CARMIL3: variants seen among roughly 807,000 people sequenced by gnomAD.
CARMIL3 encodes capping protein, Arp2/3 and myosin-I linker protein 3.
Under a neutral mutation model 180.8 loss-of-function variants are expected in CARMIL3, and 88 were observed. The ratio of observed to expected loss-of-function variants is 0.49; its 90% confidence interval spans 0.41 to 0.58. The LOEUF (loss-of-function observed/expected upper bound fraction) is 0.58. Ranked by LOEUF, CARMIL3 falls within the 20% of genes least tolerant of loss-of-function variation. The pLI is 0.00. For synonymous variants in CARMIL3, 696 were observed against 714.5 expected (o/e 0.97, Z 0.41); for missense variants, 1,548 against 1,787.0 (o/e 0.87, Z 2.41).
rs140030582 is a variant in CARMIL3 at position 24,057,004 on chromosome 14, C to T, written c.1042C>T (p.Leu348Phe). 381 of 1,613,648 alleles carry T rather than the reference C, an allele frequency of 2.4e-4. No homozygotes were observed. Among genetic ancestry groups the T allele is most frequent in the Non-Finnish European group, 3.1e-4 (361 of 1,179,794 alleles). The change falls in exon 13 of 40, where the codon CTC (leucine) becomes TTC (phenylalanine). Residue 348 changes from leucine (L) to phenylalanine (F), a missense_variant. Transcript: ENST00000342740. Reference sequence around the variant, plus strand: ...GGACCTGAGCAAGAATCCTGGGCTCCTCGCCACGGATGAGGCCAATGTGAG... The same window carrying T: ...GGACCTGAGCAAGAATCCTGGGCTCTTCGCCACGGATGAGGCCAATGTGAG... ...YLDLSKNPGLLATDEANALYS... is the reference protein window; with the variant it reads ...YLDLSKNPGLFATDEANALYS...
intron 27 of CARMIL3, chr14:24,062,034 C>CT (rs1482065183): frequency 9.5e-6 from 3 of 315,318 alleles, no homozygotes; most frequent in Admixed American, 9.2e-5. Flanking sequence ...CCCTAGAGTT[C>CT]TTTCATTCTG....
intron 10 of CARMIL3, 55 bp from the exon 11 acceptor site, chr14:24,056,244 G>T: frequency 6.8e-7 from 1 of 1,461,260 alleles, no homozygotes; most frequent in East Asian, 2.4e-5. Flanking sequence ...GGGAAGCCCA[G>T]AGGCTGGGAC....
chr14:24,068,021 G>A (rs2035806396), intron 36 of CARMIL3, among the ~76,000 whole-genome samples: 1 of 152,272 alleles, frequency 6.6e-6, no homozygotes, highest in Non-Finnish European at 1.5e-5. Flanking sequence ...TCTGCAAGAG[G>A]GACAGCTAGG....
In CARMIL3 at chr14:24,058,032, G is replaced by C. The variant is rs1156971649; in HGVS notation, c.1290G>C (p.Leu430=). 9.9e-6 allele frequency: 16 copies of C among 1,613,802 alleles called. No individual in the cohort carries two copies. Among genetic ancestry groups the C allele is most frequent in the Non-Finnish European group, 1.4e-5 (16 of 1,180,020 alleles). The change falls in exon 16 of 40, where the codon CTG becomes CTC. Residue 430 remains leucine (L), a synonymous_variant. Transcript: ENST00000342740. The surrounding 1 kb of genome is among the most constrained non-coding windows in gnomAD (Gnocchi z 6.4). ...SSAYTLSHVN[L]SATKLPLEAL... ...CCTACACACTGAGCCACGTCAATCT[G>C]TCGGCCACAAAGCTGCCCCTGGAGG...
Position 24,060,267 on chromosome 14 carries a change from C to A in CARMIL3, c.2061+12C>A, listed in dbSNP as rs759545098. 7 of 1,613,922 alleles carry A rather than the reference C, an allele frequency of 4.3e-6. No individual in the cohort carries two copies. Among genetic ancestry groups the A allele is most frequent in the Non-Finnish European group, 5.1e-6 (6 of 1,179,908 alleles). ...GCAGCGCCGAGCAAGTAAACGTTTCCCTCTGGGACACGGGGCATACCCGGG... is the reference window on the plus strand; with the variant it reads ...GCAGCGCCGAGCAAGTAAACGTTTCACTCTGGGACACGGGGCATACCCGGG... On this transcript the variant is annotated intron_variant, in intron 24 of 39. Transcript: ENST00000342740.
chr14:24,065,632 G>A lies in CARMIL3; in HGVS notation c.3407G>A (p.Gly1136Glu), dbSNP rs2035779128. 1.2e-6 allele frequency: 2 copies of A among 1,612,052 alleles called. No individual in the cohort carries two copies. The highest frequency in any genetic ancestry group is 1.7e-5 in the Admixed American group (1 of 59,640). ...PSFRRKMGTE[G>E]SEPGEGGPAP... ...GAGACCTTGTTCTAGGGCACTGAGGGGTCAGAGCCAGGGGAGGGGGGCCCA... is the reference window on the plus strand; with the variant it reads ...GAGACCTTGTTCTAGGGCACTGAGGAGTCAGAGCCAGGGGAGGGGGGCCCA... The change falls in exon 34 of 40, where the codon GGG becomes GAG. Residue 1136 changes from glycine to glutamate, a missense_variant. By Grantham distance (98) the Gly-to-Glu change is moderately conservative (BLOSUM62 -2). Coordinates refer to ENST00000342740, the MANE Select transcript of CARMIL3 (RefSeq NM_138360.4).
intron 2 of CARMIL3, 32 bp downstream of exon 2, chr14:24,053,835 G>C (rs752361087): frequency 4.1e-5 from 65 of 1,580,586 alleles, no homozygotes; most frequent in Non-Finnish European, 5.4e-5. Flanking sequence ...GGAGGGAGGA[G>C]GTGGCTGGCA....
At chr14:24,053,941 G>T in intron 2 of CARMIL3, 138 bp downstream of exon 2, 1 of 1,156,200 alleles carries the variant, frequency 8.6e-7, no homozygotes, top group Non-Finnish European at 1.2e-6. Flanking sequence ...GAGGAGGCAG[G>T]GCTGGACTGT....
At chr14:24,055,513 A>G (rs1447592291) in intron 8 of CARMIL3, 30 bp from the exon 9 acceptor site, 1 of 1,612,394 alleles carries the variant, frequency 6.2e-7, no homozygotes, top group Non-Finnish European at 8.5e-7. Context: ...CCTGCTCACC[A>G]CTTTCCTGCC....
chr14:24,058,551 G>T lies in CARMIL3; in HGVS notation c.1393-129G>T. 5.4e-6 allele frequency: 4 copies of T among 743,328 alleles called. No individual in the cohort carries two copies. The highest frequency in any genetic ancestry group is 8.8e-6 in the Non-Finnish European group (4 of 455,488). 46.0% of individuals were successfully genotyped at this position (743,328 alleles called of 1,614,324 possible). On this transcript the variant is annotated intron_variant, in intron 17 of 39. Coordinates refer to ENST00000342740, the MANE Select transcript of CARMIL3 (RefSeq NM_138360.4). This position sits in a 1 kb window ranked among gnomAD's most constrained non-coding sequence, Gnocchi z 6.4. Reference sequence around the variant, plus strand: ...GGGAAGGATCTGGTGTGGGGAAAGAGTCTCCCTGATTTTACACCCAGATCC... The same window carrying T: ...GGGAAGGATCTGGTGTGGGGAAAGATTCTCCCTGATTTTACACCCAGATCC...
Position 24,056,653 on chromosome 14 carries a change from C to T in CARMIL3, c.897C>T (p.Cys299=), listed in dbSNP as rs201758153. The T allele has an allele frequency of 5.6e-6, 9 of 1,613,854 alleles. No homozygotes were observed. The highest frequency in any genetic ancestry group is 7.6e-6 in the Non-Finnish European group (9 of 1,179,996). The change falls in exon 12 of 40, where the codon TGC becomes TGT. Residue 299 remains cysteine, a synonymous_variant. Coordinates refer to ENST00000342740, the MANE Select transcript of CARMIL3 (RefSeq NM_138360.4). ...TCAGTCTGAGCCAGCAGCTCCTCTG[C>T]TTCCCCTCTGGCCTCACCAAACTGT... ...GFLSLSQQLL[C]FPSGLTKLCL...
At chr14:24,057,101 T>C in intron 13 of CARMIL3, 66 bp from the exon 14 acceptor site, 5 of 1,589,318 alleles carry the variant, frequency 3.1e-6, no homozygotes, top group African/African-American at 1.3e-5. Flanking sequence ...TTCTGCCCCA[T>C]GGCCTCTGGG....
At position 24,058,029 on chromosome 14, in the gene CARMIL3, T is replaced by C. The variant is rs750725439; in HGVS notation, c.1287T>C (p.Asn429=). 6.2e-7 allele frequency: 1 copy of C among 1,613,698 alleles called. No individual in the cohort carries two copies. Among genetic ancestry groups the C allele is most frequent in the East Asian group, 2.2e-5 (1 of 44,852 alleles). ...GCGCCTACACACTGAGCCACGTCAA[T>C]CTGTCGGCCACAAAGCTGCCCCTGG... ...FSSAYTLSHV[N]LSATKLPLEA... Residue 429 remains asparagine (N), a synonymous_variant, in exon 16 of 40, where the codon AAT becomes AAC. Transcript: ENST00000342740. The surrounding 1 kb of genome is among the most constrained non-coding windows in gnomAD (Gnocchi z 6.4).
chr14:24,064,406 G>A (rs1414098686), intron 32 of CARMIL3, 60 bp downstream of exon 32: 1 of 1,279,850 alleles, frequency 7.8e-7, no homozygotes, highest in African/African-American at 1.5e-5. Context: ...AAGGGCTGCT[G>A]TGTCCTCCCA....
chr14:24,060,174 G>A lies in CARMIL3; in HGVS notation c.1980G>A (p.Val660=). The A allele has an allele frequency of 6.2e-7, 1 of 1,614,188 alleles. No individual in the cohort carries two copies. The highest frequency in any genetic ancestry group is 1.1e-5 in the South Asian group (1 of 91,092). The change falls in exon 24 of 40, where the codon GTG becomes GTA. Residue 660 remains valine (V), a synonymous_variant. Transcript: ENST00000342740. ...ATCTCCAGATCCAATGGTGCTTAGT[G>A]AGGAACAACCACTCCCAGACGTGCC... is the stretch of plus-strand genomic sequence containing the variant. ...DVWQKIQWCL[V]RNNHSQTCPQ...
At position 24,065,706 on chromosome 14, in the gene CARMIL3, G is replaced by T. The variant is rs761196916; in HGVS notation, c.3481G>T (p.Gly1161Trp). Residue 1161 changes from glycine to tryptophan, a missense_variant, in exon 34 of 40, where the codon GGG (glycine) becomes TGG (tryptophan). Physicochemically the swap from Gly to Trp is radical, Grantham distance 184. This residue lies in a region of CARMIL3 where 668 missense variants were observed against 687.8 expected (regional missense o/e 0.97). Coordinates refer to ENST00000342740, the MANE Select transcript of CARMIL3 (RefSeq NM_138360.4). Reference sequence around the variant, plus strand: ...AAGGGTTCACGGTGTTGCCCTTCCCGGGTTGGAAAGAGCCAAGGGTTGGAG... The same window carrying T: ...AAGGGTTCACGGTGTTGCCCTTCCCTGGTTGGAAAGAGCCAAGGGTTGGAG... Reference protein sequence around the residue: ...QPRVHGVALPGLERAKGWSFD... With the variant: ...QPRVHGVALPWLERAKGWSFD... 1 of 1,614,102 alleles carries T rather than the reference G, an allele frequency of 6.2e-7. No homozygotes were observed. The highest frequency in any genetic ancestry group is 8.5e-7 in the Non-Finnish European group (1 of 1,179,964).
Position 24,054,773 on chromosome 14 carries a change from C to T in CARMIL3, c.425C>T (p.Ser142Phe), listed in dbSNP as rs2035655605. Residue 142 changes from serine to phenylalanine, a missense_variant, in exon 6 of 40, where the codon TCT becomes TTT. This residue lies in a region of CARMIL3 where 578 missense variants were observed against 666.5 expected (regional missense o/e 0.87). Coordinates refer to ENST00000342740, the MANE Select transcript of CARMIL3 (RefSeq NM_138360.4). The surrounding 1 kb of genome is among the most constrained non-coding windows in gnomAD (Gnocchi z 5.1). ...PEGPRDTSPN[S>F]ETSTSTTHSV... The stretch of plus-strand genomic sequence containing the variant: ...GGGCCCCGAGATACATCCCCCAACT[C>T]TGAGACTTCCACATCTACCACCCAC... 1.9e-6 allele frequency: 3 copies of T among 1,614,124 alleles called. No homozygotes were observed. In the East Asian group the frequency reaches 6.7e-5, roughly 36 times the overall value.
chr14:24,056,505 G>A (rs941911056), intron 11 of CARMIL3, 112 bp downstream of exon 11: 2 of 1,461,794 alleles, frequency 1.4e-6, no homozygotes, highest in Admixed American at 1.7e-5. Flanking sequence ...CCCCTGCCCT[G>A]ACACCTCCAT....
At position 24,066,568 on chromosome 14, in the gene CARMIL3, G is replaced by A. The variant is rs779641551; in HGVS notation, c.3594G>A (p.Gly1198=). The change falls in exon 36 of 40, where the codon GGG becomes GGA. Residue 1198 remains glycine, a splice_region_variant and synonymous_variant. Transcript: ENST00000342740. ...WQKRRSSDDA[G]PGSWKPPPPP... ...TCTCATCCCCTCTCTCTACTCCAGG[G>A]CCTGGATCCTGGAAGCCCCCACCAC... The A allele has an allele frequency of 5.0e-6, 8 of 1,614,046 alleles. No homozygotes were observed. The Admixed American group carries it at 5.0e-5, about 10-fold the overall frequency.
Sources: gnomAD v4.1 joint callset for allele counts (sites outside exome capture counted in the v4.1 genomes callset) on GRCh38, gnomAD v4.1.1 for gene constraint, gnomAD v4.1.1 regional missense constraint, Gnocchi (gnomAD v3.1) non-coding constraint, MANE v1.5 for transcripts, NCBI Gene and HGNC (gene_info 2026-07-23, HGNC 2026-07-21) for gene names.